The following MYO3B variants were observed in gnomAD, a reference collection of about 807,000 sequenced individuals.
The protein encoded by MYO3B is myosin IIIB, also known as myosin-IIIb.
MYO3B carries 156 observed loss-of-function variants against 174.6 expected under a neutral mutation model. That is an observed-to-expected ratio of 0.89 (90% CI 0.78 to 1.02). The LOEUF (loss-of-function observed/expected upper bound fraction) is 1.02, where lower values mean the gene tolerates loss of function less well. MYO3B is among the 50% of genes least tolerant of loss of function. The probability of loss-of-function intolerance (pLI) is 0.00; values close to 1 mark genes in which losing one functional copy is unlikely to be tolerated. For synonymous variants in MYO3B, 563 were observed against 569.1 expected, an observed-to-expected ratio of 0.99 and a Z score of 0.15; for missense variants, 1,632 against 1,639.4, an observed-to-expected ratio of 1.00 and a Z score of 0.08.
chr2:170,327,220 A>C (rs1330531859), intron 7 of MYO3B, among the ~76,000 whole-genome samples: 1 of 152,230 alleles, frequency 6.6e-6, no homozygotes, highest in Non-Finnish European at 1.5e-5. Context: ...CCCTGTCTCT[A>C]CTAAAAATAC....
At position 170,220,182 on chromosome 2, in the gene MYO3B, C is replaced by T. The variant is rs548960270; in HGVS notation, c.603+2787C>T. Among the ~76,000 whole-genome samples, 12 of 152,112 alleles carry T rather than the reference C, an allele frequency of 7.9e-5. No individual in the cohort carries two copies. In the East Asian group the frequency reaches 1.2e-3, roughly 15 times the overall value. ...CTGAGCAAGAAGAATGGCGTGAACCCGGAAGGCGGAGCTTGCAGTGAGCCG... is the reference window on the plus strand; with the variant it reads ...CTGAGCAAGAAGAATGGCGTGAACCTGGAAGGCGGAGCTTGCAGTGAGCCG... On this transcript the variant is annotated intron_variant, in intron 6 of 34. Coordinates refer to ENST00000408978, the MANE Select transcript of MYO3B (RefSeq NM_138995.5).
chr2:170,580,718 A>ATATATATATATGTGTGTGTGTGTG (rs768974458), intron 32 of MYO3B, among the ~76,000 whole-genome samples: 8 of 142,700 alleles, frequency 5.6e-5, no homozygotes, highest in African/African-American at 2.1e-4. Flanking sequence ...AACCTTATAT[A>ATATATATATATGTGTGTGTGTGTG]TGTGTGTGTG....
chr2:170,481,517 A>G (rs1298249162), intron 25 of MYO3B, among the ~76,000 whole-genome samples: 1 of 152,204 alleles, frequency 6.6e-6, no homozygotes, highest in Admixed American at 6.5e-5. Flanking sequence ...TCAAGGCTGC[A>G]GTGAGCTGTG....
At chr2:170,338,061 C>T (rs1015409697) in intron 8 of MYO3B, 2 of 152,272 alleles carry the variant, frequency 1.3e-5, no homozygotes, top group African/African-American at 4.8e-5. Context: ...TAAGATAGTT[C>T]CTTATGGCAA....
intron 9 of MYO3B, among the ~76,000 whole-genome samples, chr2:170,378,455 G>C (rs1010852878): frequency 6.6e-6 from 1 of 152,194 alleles, no homozygotes; most frequent in Non-Finnish European, 1.5e-5. Flanking sequence ...TTGATCACCT[G>C]TAAGCATGGA....
At chr2:170,198,067 T>C (rs190002083) in intron 1 of MYO3B, among the ~76,000 whole-genome samples, 1 of 151,632 alleles carries the variant, frequency 6.6e-6, no homozygotes, top group Non-Finnish European at 1.5e-5. Context: ...TGAAAAGATA[T>C]GGGTGAATGA....
At chr2:170,453,937 G>A (rs1207081911) in intron 23 of MYO3B, among the ~76,000 whole-genome samples, 1 of 152,190 alleles carries the variant, frequency 6.6e-6, no homozygotes, top group Non-Finnish European at 1.5e-5. Flanking sequence ...ACGAAGAGTG[G>A]AGAATCACAG....
chr2:170,448,460 G>A (rs1683389124), intron 23 of MYO3B, among the ~76,000 whole-genome samples: 1 of 152,164 alleles, frequency 6.6e-6, no homozygotes, highest in Non-Finnish European at 1.5e-5. Context: ...GCTGAACAGG[G>A]GGCATAGTGG....
chr2:170,424,113 C>T (rs555039502), intron 22 of MYO3B, among the ~76,000 whole-genome samples: 9 of 152,282 alleles, frequency 5.9e-5, no homozygotes, highest in East Asian at 5.8e-4. Flanking sequence ...AGATGGCTCC[C>T]GTGTACCAGA....
Position 170,313,930 on chromosome 2 carries a change from A to T in MYO3B, c.750-21455A>T, listed in dbSNP as rs1018618702. ...CAGAGCTACCTCATGACTCACACAC[A>T]GCCCTGCATGGATAATTACTGCCAT... On this transcript the variant is annotated intron_variant, in intron 7 of 34. Coordinates refer to ENST00000408978, the MANE Select transcript of MYO3B (RefSeq NM_138995.5). Among the ~76,000 whole-genome samples the T allele has an allele frequency of 3.0e-4, 45 of 152,170 alleles. 1 individual carries two copies. Among genetic ancestry groups the T allele is most frequent in the African/African-American group, 1.1e-3 (44 of 41,444 alleles).
chr2:170,520,670 G>C lies in MYO3B; in HGVS notation c.3575+1130G>C, dbSNP rs138976767. Among the ~76,000 whole-genome samples, 266 of 152,172 alleles carry C rather than the reference G, an allele frequency of 1.7e-3. 2 individuals carry two copies. The highest frequency in any genetic ancestry group is 6.1e-3 in the African/African-American group (253 of 41,518). On this transcript the variant is annotated intron_variant, in intron 30 of 34. Coordinates refer to ENST00000408978, the MANE Select transcript of MYO3B (RefSeq NM_138995.5). ...TTGAGTTAAATATAATTCAAAAGGA[G>C]TATAGCAGAGCTTGCCTTTCAGTGA...
At chr2:170,455,087 G>A (rs1683834800) in intron 23 of MYO3B, among the ~76,000 whole-genome samples, 1 of 152,130 alleles carries the variant, frequency 6.6e-6, no homozygotes, top group Non-Finnish European at 1.5e-5. Flanking sequence ...TTATCCCCAG[G>A]AGCAATTTGG....
At chr2:170,450,904 A>G (rs994181542) in intron 23 of MYO3B, among the ~76,000 whole-genome samples, 3 of 152,190 alleles carry the variant, frequency 2.0e-5, no homozygotes, top group African/African-American at 7.2e-5. Context: ...CTATAGAAAA[A>G]TACTAAACAA....
chr2:170,316,520 T>C (rs1400003094), intron 7 of MYO3B, among the ~76,000 whole-genome samples: 1 of 152,256 alleles, frequency 6.6e-6, no homozygotes, highest in Non-Finnish European at 1.5e-5. Flanking sequence ...ATCATATTAC[T>C]GTTTTTAATG....
chr2:170,634,605 C>T (rs1575306554), intron 32 of MYO3B, among the ~76,000 whole-genome samples: 1 of 152,260 alleles, frequency 6.6e-6, no homozygotes, highest in East Asian at 1.9e-4. Context: ...CAACAAAAGC[C>T]AAAATTGACA....
chr2:170,411,430 G>A (rs2094545468), intron 22 of MYO3B, among the ~76,000 whole-genome samples: 1 of 152,116 alleles, frequency 6.6e-6, no homozygotes, highest in Non-Finnish European at 1.5e-5. Flanking sequence ...TATACTGAAT[G>A]TTGTAGTTAA....
chr2:170,488,901 A>T (rs1686251292), intron 25 of MYO3B, among the ~76,000 whole-genome samples: 1 of 152,208 alleles, frequency 6.6e-6, no homozygotes, highest in African/African-American at 2.4e-5. Flanking sequence ...TATTCTTTGG[A>T]TCCCTCACAC....
chr2:170,594,137 C>T (rs4334459), intron 32 of MYO3B, among the ~76,000 whole-genome samples: 6,486 of 152,194 alleles, frequency 0.043, 208 homozygotes, highest in African/African-American at 0.087. Context: ...TCCGAATCAA[C>T]TATCTCCCTG....
intron 23 of MYO3B, among the ~76,000 whole-genome samples, chr2:170,461,843 G>A (rs1684311375): frequency 6.6e-6 from 1 of 151,066 alleles, no homozygotes; most frequent in Non-Finnish European, 1.5e-5. Flanking sequence ...TATGGAGGTC[G>A]GCGGGGCCGG....
Sources: gnomAD v4.1 joint callset for allele counts (sites outside exome capture counted in the v4.1 genomes callset) on GRCh38, gnomAD v4.1.1 for gene constraint, MANE v1.5 for transcripts, NCBI Gene and HGNC (gene_info 2026-07-23, HGNC 2026-07-21) for gene names.